ARHGEF28: variants seen among roughly 807,000 people sequenced by gnomAD.
The protein encoded by ARHGEF28 is Rho guanine nucleotide exchange factor 28.
ARHGEF28 carries 152 observed loss-of-function variants against 206.6 expected under a neutral mutation model. That is an observed-to-expected ratio of 0.74 (90% CI 0.64 to 0.84). ARHGEF28 has a LOEUF of 0.84. ARHGEF28 is among the 40% of genes least tolerant of loss of function. The pLI is 0.00. For synonymous variants in ARHGEF28, 763 were observed against 776.4 expected (o/e 0.98, Z 0.29); for missense variants, 2,028 against 2,073.2 (o/e 0.98, Z 0.42).
intron 1 of ARHGEF28, among the ~76,000 whole-genome samples, chr5:73,682,140 C>T (rs1260595000): frequency 6.6e-6 from 1 of 152,148 alleles, no homozygotes; most frequent in African/African-American, 2.4e-5. Context: ...AGTGGGTCCA[C>T]ATAAACTGCC....
rs1265494324 is a variant in ARHGEF28 at position 73,868,158 on chromosome 5, A to G, written c.2356A>G (p.Arg786Gly). ...GAGTGACCATAACAGCTGCAGAAGC[A>G]GGTCTCATTCTGATGAGCTGCTACA... is the stretch of plus-strand genomic sequence containing the variant. The part of the protein sequence containing the change: ...SESDHNSCRS[R>G]SHSDELLQSM... Residue 786 changes from arginine (R) to glycine (G), a missense_variant, in exon 20 of 36, where the codon AGG becomes GGG. This residue lies in a region of ARHGEF28 where 1,002 missense variants were observed against 1,015.3 expected (regional missense o/e 0.99). Coordinates refer to ENST00000513042, the MANE Select transcript of ARHGEF28 (RefSeq NM_001177693.2). 7 of 1,606,542 alleles carry G rather than the reference A, an allele frequency of 4.4e-6. No individual in the cohort carries two copies. The highest frequency in any genetic ancestry group is 4.5e-5 in the East Asian group (2 of 44,744).
At chr5:73,864,918 C>T (rs1393750372) in intron 17 of ARHGEF28, 46 bp downstream of exon 17, 3 of 1,551,524 alleles carry the variant, frequency 1.9e-6, no homozygotes, top group Middle Eastern at 1.7e-4. Context: ...ATGGTTGCTT[C>T]ATAGTATCTA....
chr5:73,828,928 C>T (rs535050870), intron 9 of ARHGEF28, among the ~76,000 whole-genome samples: 1 of 152,086 alleles, frequency 6.6e-6, no homozygotes, highest in South Asian at 2.1e-4. Flanking sequence ...TCAAGCAATC[C>T]TCTCACTTCA....
At chr5:73,852,881 G>A (rs1758792334) in intron 14 of ARHGEF28, among the ~76,000 whole-genome samples, 189 bp downstream of exon 14, 1 of 152,170 alleles carries the variant, frequency 6.6e-6, no homozygotes, top group Non-Finnish European at 1.5e-5. Context: ...TCAGTCCTTG[G>A]CTGTGCAGGC....
intron 1 of ARHGEF28, among the ~76,000 whole-genome samples, chr5:73,651,631 A>G (rs913861907): frequency 2.6e-5 from 4 of 152,216 alleles, no homozygotes; most frequent in Admixed American, 6.5e-5. Flanking sequence ...TCTAGTGTAT[A>G]CACTGAAAAT....
chr5:73,659,491 T>C (rs1464335351), intron 1 of ARHGEF28, among the ~76,000 whole-genome samples: 1 of 151,092 alleles, frequency 6.6e-6, no homozygotes, highest in Non-Finnish European at 1.5e-5. Context: ...GATCGGCCAC[T>C]GCACTCCAGC....
intron 9 of ARHGEF28, among the ~76,000 whole-genome samples, chr5:73,813,301 A>G (rs1432429245): frequency 6.6e-6 from 1 of 152,182 alleles, no homozygotes; most frequent in Non-Finnish European, 1.5e-5. Flanking sequence ...GACCTTTTGA[A>G]TAAGTGGACT....
chr5:73,685,034 T>G, intron 2 of ARHGEF28, 150 bp downstream of exon 2: 1 of 698,282 alleles, frequency 1.4e-6, no homozygotes, highest in South Asian at 3.0e-5. Context: ...TTCAAGTATT[T>G]GCATGGAGCG....
intron 2 of ARHGEF28, among the ~76,000 whole-genome samples, chr5:73,718,851 C>G (rs886763923): frequency 6.6e-6 from 1 of 152,184 alleles, no homozygotes; most frequent in East Asian, 1.9e-4. Flanking sequence ...CCATCCACAC[C>G]GCACTAGAAC....
chr5:73,859,477 C>T (rs1243443575), intron 16 of ARHGEF28, among the ~76,000 whole-genome samples: 1 of 152,204 alleles, frequency 6.6e-6, no homozygotes, highest in African/African-American at 2.4e-5. Flanking sequence ...AGCTGGACAT[C>T]TGATCAAAAT....
At chr5:73,789,631 G>T (rs1754349425) in intron 7 of ARHGEF28, among the ~76,000 whole-genome samples, 1 of 152,006 alleles carries the variant, frequency 6.6e-6, no homozygotes, top group South Asian at 2.1e-4. Flanking sequence ...ACATTTAATG[G>T]TAGTTATATT....
chr5:73,904,256 CAG>C lies in ARHGEF28; in HGVS notation c.4112_4113del (p.Glu1371AspfsTer27), dbSNP rs1241302160. ...AGAAATTTTCCAGGTTCTTCACAAT[CAG>C]AGGTGAGCTGCTGCACATACCTTAA... On this transcript the variant is annotated frameshift_variant and splice_region_variant, in exon 32 of 36. Transcript: ENST00000513042. LOFTEE classifies it high-confidence loss of function. 5 of 1,613,788 alleles carry C rather than the reference CAG, an allele frequency of 3.1e-6. No individual in the cohort carries two copies. In the African/African-American group the frequency reaches 4.0e-5, roughly 13 times the overall value.
intron 1 of ARHGEF28, among the ~76,000 whole-genome samples, chr5:73,675,399 A>G (rs1746591378): frequency 6.6e-6 from 1 of 152,176 alleles, no homozygotes; most frequent in Non-Finnish European, 1.5e-5. Context: ...TGGAAAAAAG[A>G]CTTGCCTGAG....
At chr5:73,868,313 A>C in intron 20 of ARHGEF28, 86 bp downstream of exon 20, 1 of 1,331,800 alleles carries the variant, frequency 7.5e-7, no homozygotes, top group South Asian at 1.7e-5. Flanking sequence ...AGATTGAAGC[A>C]TTTTTTTTTT....
intron 4 of ARHGEF28, among the ~76,000 whole-genome samples, chr5:73,762,760 G>T (rs1405450649): frequency 1.3e-5 from 2 of 151,970 alleles, no homozygotes; most frequent in South Asian, 2.1e-4. Flanking sequence ...TGCAGTTGGG[G>T]CCAATTCAAG....
chr5:73,795,427 C>T, intron 9 of ARHGEF28, 36 bp downstream of exon 9: 6 of 1,551,492 alleles, frequency 3.9e-6, no homozygotes, highest in South Asian at 1.1e-5. Flanking sequence ...CTCGTAGGGG[C>T]ATCCCAGATC....
chr5:73,921,495 T>G lies in ARHGEF28; in HGVS notation c.4948+9920T>G, dbSNP rs527952414. On this transcript the variant is annotated intron_variant, in intron 35 of 35. Coordinates refer to ENST00000513042, the MANE Select transcript of ARHGEF28 (RefSeq NM_001177693.2). ...GGATAAGATATTAATTCAGTTTAAT[T>G]TGAAATGTTAATGCTTGGTTTGAAG... is the stretch of plus-strand genomic sequence containing the variant. Among the ~76,000 whole-genome samples the G allele has an allele frequency of 3.9e-5, 6 of 152,338 alleles. 1 individual carries two copies. In the South Asian group the frequency reaches 1.2e-3, roughly 32 times the overall value.
At position 73,849,065 on chromosome 5, in the gene ARHGEF28, A is replaced by T. The variant is rs202147794; in HGVS notation, c.1725A>T (p.Leu575Phe). The T allele has an allele frequency of 9.7e-4, 1,524 of 1,568,254 alleles. 3 individuals are homozygous for T. Among genetic ancestry groups the T allele is most frequent in the Non-Finnish European group, 1.1e-3 (1,294 of 1,153,626 alleles). ...SLGKTRLVRE[L>F]TVCSSSEEQR... is the part of the protein sequence containing the mutation. ...GAAAAACTCGTTTGGTGCGTGAATT[A>T]ACAGTATGCAGTTCAAGTGAAGGTA... Residue 575 changes from leucine (L) to phenylalanine (F), a missense_variant, in exon 13 of 36, where the codon TTA becomes TTT. Leu to Phe is a conservative substitution (Grantham distance 22). Coordinates refer to ENST00000513042, the MANE Select transcript of ARHGEF28 (RefSeq NM_001177693.2).
intron 35 of ARHGEF28, among the ~76,000 whole-genome samples, chr5:73,916,747 G>A (rs768178887): frequency 3.3e-5 from 5 of 152,070 alleles, no homozygotes; most frequent in Non-Finnish European, 7.4e-5. Context: ...GGGACAAAAT[G>A]ATGATTTTTC....
Sources: gnomAD v4.1 joint callset for allele counts (sites outside exome capture counted in the v4.1 genomes callset) on GRCh38, gnomAD v4.1.1 for gene constraint, gnomAD v4.1.1 regional missense constraint, MANE v1.5 for transcripts, NCBI Gene and HGNC (gene_info 2026-07-23, HGNC 2026-07-21) for gene names.